The following FRMD4B variants were observed in gnomAD, a reference collection of about 807,000 sequenced individuals.
The protein encoded by FRMD4B is FERM domain-containing protein 4B.
FRMD4B carries 74 observed loss-of-function variants against 141.5 expected under a neutral mutation model. The ratio of observed to expected loss-of-function variants is 0.52; its 90% CI spans 0.43 to 0.63. The LOEUF (loss-of-function observed/expected upper bound fraction) is 0.63, where lower values mean the gene tolerates loss of function less well. Among genes scored for constraint, FRMD4B ranks in the 30% least tolerant of loss-of-function variants. The pLI is 0.00. For synonymous variants in FRMD4B, 506 were observed against 467.9 expected (o/e 1.08, Z -1.05); for missense variants, 1,366 against 1,253.4 (o/e 1.09, Z -1.36).
At chr3:69,327,864 C>A (rs1471975408) in intron 1 of FRMD4B, among the ~76,000 whole-genome samples, 3 of 152,186 alleles carry the variant, frequency 2.0e-5, no homozygotes, top group Non-Finnish European at 4.4e-5. Context: ...TTCCTCTCAA[C>A]TTACAGGCTT....
chr3:69,472,314 TGCATA>T, intron 1 of FRMD4B: 1 of 433,546 alleles, frequency 2.3e-6, no homozygotes, highest in Non-Finnish European at 4.5e-6. Flanking sequence ...TTTTTTTCTT[TGCATA>T]TTACAGATGC....
chr3:69,343,932 T>C (rs1056862878), intron 1 of FRMD4B, among the ~76,000 whole-genome samples: 2 of 152,128 alleles, frequency 1.3e-5, no homozygotes, highest in African/African-American at 2.4e-5. Flanking sequence ...GAACTAAAAG[T>C]CAAGCTTGTA....
chr3:69,249,769 T>G (rs2093449229), intron 6 of FRMD4B, among the ~76,000 whole-genome samples: 1 of 152,234 alleles, frequency 6.6e-6, no homozygotes, highest in South Asian at 2.1e-4. Context: ...CAAATTCAAG[T>G]ATCCCAGAGC....
rs139612104 is a variant in FRMD4B at position 69,502,361 on chromosome 3, C to T, written c.-129+39845G>A. 5.9e-3 allele frequency among the ~76,000 whole-genome samples: 904 copies of T among 152,118 alleles called. 8 individuals are homozygous for T. The highest frequency in any genetic ancestry group is 9.6e-3 in the Non-Finnish European group (655 of 68,024). On this transcript the variant is annotated intron_variant, in intron 1 of 5. Coordinates refer to the FRMD4B transcript ENST00000459638. ...ATAGACCAATGGAACAGAACAGAGC[C>T]CTCAGAAATAATACCACACATCTAC...
chr3:69,342,140 G>A (rs183607477), intron 1 of FRMD4B, among the ~76,000 whole-genome samples: 1 of 152,272 alleles, frequency 6.6e-6, no homozygotes, highest in East Asian at 1.9e-4. Flanking sequence ...AATCTTTCCA[G>A]GAAGGCTTTT....
chr3:69,199,021 A>G (rs1015941675), intron 11 of FRMD4B: 4 of 391,896 alleles, frequency 1.0e-5, no homozygotes, highest in Non-Finnish European at 1.9e-5. Context: ...CTGTAATCAC[A>G]GCACTTTGGG....
At chr3:69,446,993 G>GT (rs990734910) in intron 1 of FRMD4B, among the ~76,000 whole-genome samples, 26 of 152,050 alleles carry the variant, frequency 1.7e-4, no homozygotes, top group Admixed American at 6.5e-4. Flanking sequence ...AGCAGGTAGA[G>GT]TTTTTTTTAA....
intron 1 of FRMD4B, chr3:69,535,903 C>T (rs1575603961): frequency 4.8e-6 from 2 of 419,078 alleles, no homozygotes; most frequent in Non-Finnish European, 9.5e-6. Context: ...ACCTTGCTGA[C>T]AGTGGGTTTT....
At position 69,319,417 on chromosome 3, in the gene FRMD4B, AAC is replaced by A. The variant is rs533942056; in HGVS notation, c.163-5902_163-5901del. ...ATCTATATATTTTCCTATTTAAAAAAACACATTTTTAATGGGAGGAATATTAC... is the reference window on the plus strand; with the variant it reads ...ATCTATATATTTTCCTATTTAAAAAAACATTTTTAATGGGAGGAATATTAC... On this transcript the variant is annotated intron_variant, in intron 1 of 22. Transcript: ENST00000398540. 1.1e-4 allele frequency among the ~76,000 whole-genome samples: 16 copies of A among 152,352 alleles called. No individual in the cohort carries two copies. In the South Asian group the frequency reaches 1.5e-3, roughly 14 times the overall value.
chr3:69,267,632 TATATAGAGAGAGAGAGAGAGAGAG>T (rs1559765492), intron 5 of FRMD4B, among the ~76,000 whole-genome samples: 22 of 10,592 alleles, frequency 2.1e-3, no homozygotes, highest in Middle Eastern at 0.042. Flanking sequence ...TATATATATA[TATATAGAGAGAGAGAGAGAGAGAG>T]AGAGAGAGAG....
rs180674155 is a variant in FRMD4B, at chr3:69,420,658, C to T, written c.-1+11976G>A. 6.2e-4 allele frequency among the ~76,000 whole-genome samples: 94 copies of T among 152,272 alleles called. No homozygotes were observed. In the East Asian group the frequency reaches 0.016, roughly 26 times the overall value. ...CCTGTAAGGACTTTAGGCACCTGAA[C>T]GGGACATGAGAATGGAGAAATGCAC... is the stretch of plus-strand genomic sequence containing the variant. On this transcript the variant is annotated intron_variant, in intron 2 of 5. Transcript: ENST00000459638.
At chr3:69,197,487 A>G (rs745639115) in intron 12 of FRMD4B, among the ~76,000 whole-genome samples, 2 of 152,004 alleles carry the variant, frequency 1.3e-5, no homozygotes, top group Non-Finnish European at 2.9e-5. Context: ...CAGAGAATGC[A>G]CTTAACGATA....
intron 5 of FRMD4B, among the ~76,000 whole-genome samples, chr3:69,283,780 G>C (rs2093654816): frequency 6.6e-6 from 1 of 152,178 alleles, no homozygotes; most frequent in Non-Finnish European, 1.5e-5. Context: ...CTACTCATCA[G>C]TCAACCCTTA....
rs576679938 is a variant in FRMD4B, at chr3:69,170,909, C to G, written c.*952G>C. 6.6e-6 allele frequency: 1 copy of G among 152,038 alleles called. No individual in the cohort carries two copies. Among genetic ancestry groups the G allele is most frequent in the South Asian group, 2.1e-4 (1 of 4,820 alleles). 9.4% of individuals were successfully genotyped at this position (152,038 alleles called of 1,614,324 possible). A position where few individuals can be genotyped will look rare whatever the true frequency, so the allele number is the denominator to read the frequency against. ...TTCTAACGTTCACCATTTTAAGGCA[C>G]GCAATTCATCTAAAATGACGTGGCT... On this transcript the variant is annotated 3_prime_UTR_variant, in exon 23 of 23. Transcript: ENST00000398540.
chr3:69,496,447 A>G (rs1706389430), intron 1 of FRMD4B, among the ~76,000 whole-genome samples: 1 of 152,076 alleles, frequency 6.6e-6, no homozygotes, highest in South Asian at 2.1e-4. Flanking sequence ...AGTTCATCCA[A>G]TTAGGGTCAG....
At chr3:69,372,606 A>G (rs532847187) in intron 1 of FRMD4B, among the ~76,000 whole-genome samples, 1 of 152,198 alleles carries the variant, frequency 6.6e-6, no homozygotes, top group East Asian at 1.9e-4. Flanking sequence ...TGGAGGTTGC[A>G]GTGAGCTGAG....
chr3:69,471,500 C>T lies in FRMD4B; in HGVS notation c.-128-38739G>A, dbSNP rs767587879. 166 of 256,790 alleles carry T rather than the reference C, an allele frequency of 6.5e-4. 2 individuals carry two copies. The highest frequency in any genetic ancestry group is 1.1e-3 in the Non-Finnish European group (141 of 127,998). 15.9% of individuals were successfully genotyped at this position (256,790 alleles called of 1,614,324 possible). A position where few individuals can be genotyped will look rare whatever the true frequency, so the allele number is the denominator to read the frequency against. On this transcript the variant is annotated intron_variant, in intron 1 of 5. Transcript: ENST00000459638. ...ATGACCCCTTTTAAAAATAGGTAAG[C>T]GTCAGAAGAAGATCCTATAATGTCA...
At chr3:69,294,964 T>C (rs548324987) in intron 4 of FRMD4B, among the ~76,000 whole-genome samples, 1 of 152,234 alleles carries the variant, frequency 6.6e-6, no homozygotes, top group East Asian at 1.9e-4. Flanking sequence ...AGCCAGACAA[T>C]CCCAAATCTT....
At chr3:69,211,120 A>T (rs1466715080) in intron 11 of FRMD4B, among the ~76,000 whole-genome samples, 2 of 151,662 alleles carry the variant, frequency 1.3e-5, no homozygotes, top group Non-Finnish European at 2.9e-5. Flanking sequence ...CTAACCAGTG[A>T]TCCAAGAATA....
Sources: gnomAD v4.1 joint callset for allele counts (sites outside exome capture counted in the v4.1 genomes callset) on GRCh38, gnomAD v4.1.1 for gene constraint, MANE v1.5 for transcripts, NCBI Gene and HGNC (gene_info 2026-07-23, HGNC 2026-07-21) for gene names.